The following PHACTR3 variants were observed in gnomAD, a reference collection of about 807,000 sequenced individuals.
The protein encoded by PHACTR3 is protein phosphatase 1, regulatory subunit 123.
A neutral mutation model predicts 66.8 loss-of-function variants in PHACTR3; 16 were observed. The observed-to-expected ratio is 0.24, with a 90% CI of 0.16 to 0.36. The LOEUF (loss-of-function observed/expected upper bound fraction) is 0.36. Ranked by LOEUF, PHACTR3 falls within the 10% of genes least tolerant of loss-of-function variation. PHACTR3 has a pLI of 1.00. For missense variants in PHACTR3, 647 were observed against 719.9 expected (o/e 0.90, Z 1.16); for synonymous variants, 323 against 292.1 (o/e 1.11, Z -1.08).
chr20:59,607,184 C>T (rs1031643606), intron 1 of PHACTR3, among the ~76,000 whole-genome samples: 24 of 152,256 alleles, frequency 1.6e-4, no homozygotes, highest in African/African-American at 5.5e-4. Flanking sequence ...TTGGGCAGAT[C>T]TGTTTAAGAA....
intron 1 of PHACTR3, among the ~76,000 whole-genome samples, chr20:59,683,266 G>A (rs534990794): frequency 6.6e-6 from 1 of 152,320 alleles, no homozygotes; most frequent in East Asian, 1.9e-4. Flanking sequence ...TTTGGCTACA[G>A]TGAATTTGGA....
chr20:59,837,937 T>C (rs1042392947), intron 9 of PHACTR3, among the ~76,000 whole-genome samples: 2 of 152,230 alleles, frequency 1.3e-5, no homozygotes, highest in Admixed American at 6.5e-5. Context: ...CATCAGCAAG[T>C]ACTTCTAATT....
intron 1 of PHACTR3, among the ~76,000 whole-genome samples, chr20:59,624,616 C>T (rs546167308): frequency 6.6e-6 from 1 of 152,198 alleles, no homozygotes; most frequent in Admixed American, 6.5e-5. Context: ...GCTGGTCCAG[C>T]GCAGCCACCT....
chr20:59,718,776 T>C (rs1329336026), intron 1 of PHACTR3, among the ~76,000 whole-genome samples: 2 of 152,054 alleles, frequency 1.3e-5, no homozygotes, highest in African/African-American at 2.4e-5. Context: ...ACTTTTCACT[T>C]TACACGGCTC....
chr20:59,613,047 C>T (rs573924725), intron 1 of PHACTR3, among the ~76,000 whole-genome samples: 68 of 152,230 alleles, frequency 4.5e-4, no homozygotes, highest in African/African-American at 1.6e-3. Context: ...AGGAATCCGC[C>T]CCCATGATTC....
At chr20:59,740,980 G>A (rs977535625) in intron 1 of PHACTR3, among the ~76,000 whole-genome samples, 14 of 152,252 alleles carry the variant, frequency 9.2e-5, no homozygotes, top group African/African-American at 3.4e-4. Context: ...ATGCGGGAGT[G>A]TGACCCCTTC....
At chr20:59,616,277 T>C (rs2034021492) in intron 1 of PHACTR3, among the ~76,000 whole-genome samples, 1 of 152,122 alleles carries the variant, frequency 6.6e-6, no homozygotes, top group Non-Finnish European at 1.5e-5. Context: ...ATTCGCCTCC[T>C]CCTATCACTG....
In PHACTR3 at chr20:59,808,531, G is replaced by A. The variant is rs1039790509; in HGVS notation, c.1328+2337G>A. 5.9e-5 allele frequency among the ~76,000 whole-genome samples: 9 copies of A among 152,320 alleles called. No individual in the cohort carries two copies. In the South Asian group the frequency reaches 1.0e-3, roughly 18 times the overall value. On this transcript the variant is annotated intron_variant, in intron 8 of 12. Transcript: ENST00000371015. ...CAGTGCCCTGGACAGCCCCTAGTCC[G>A]CTCCTTCCCTCTTTAAACCTCAAAA...
Position 59,829,666 on chromosome 20 carries a change from G to A in PHACTR3, c.1329-6839G>A, listed in dbSNP as rs746381221. Among the ~76,000 whole-genome samples, 12 of 152,344 alleles carry A rather than the reference G, an allele frequency of 7.9e-5. No homozygotes were observed. The highest frequency in any genetic ancestry group is 2.1e-4 in the South Asian group (1 of 4,832). The stretch of plus-strand genomic sequence containing the variant: ...CCAGCTTTTCTCAGTGACTCAAGGC[G>A]GCTGTGGGGCAGGATTGGCATTCCC... On this transcript the variant is annotated intron_variant, in intron 8 of 12. Coordinates refer to ENST00000371015, the MANE Select transcript of PHACTR3 (RefSeq NM_080672.5). The surrounding 1 kb of genome is among the most constrained non-coding windows in gnomAD (Gnocchi z 4.2).
At chr20:59,605,162 G>GGGGGC in intron 1 of PHACTR3, 30 bp downstream of exon 1, 1 of 923,118 alleles carries the variant, frequency 1.1e-6, no homozygotes, top group Non-Finnish European at 1.5e-6. Context: ...CGGCGGGCGG[G>GGGGGC]TCGGGGAGGC....
At chr20:59,643,833 G>A (rs7273927) in intron 1 of PHACTR3, among the ~76,000 whole-genome samples, 32,398 of 151,998 alleles carry the variant, frequency 0.21, 4,126 homozygotes, top group East Asian at 0.53. Flanking sequence ...GGGGATAGAA[G>A]GCCTTCTGCC....
At chr20:59,792,357 G>A (rs1300452034) in intron 7 of PHACTR3, among the ~76,000 whole-genome samples, 1 of 152,230 alleles carries the variant, frequency 6.6e-6, no homozygotes, top group Non-Finnish European at 1.5e-5. Flanking sequence ...GAGTCATGTG[G>A]TAGGTTTTTA....
At chr20:59,666,473 A>G (rs1034160363) in intron 1 of PHACTR3, among the ~76,000 whole-genome samples, 1 of 152,194 alleles carries the variant, frequency 6.6e-6, no homozygotes, top group Non-Finnish European at 1.5e-5. Context: ...CTGTGGGCAC[A>G]TTGAGCTGTG....
intron 1 of PHACTR3, among the ~76,000 whole-genome samples, chr20:59,616,346 G>A (rs773106789): frequency 3.3e-5 from 5 of 152,172 alleles, no homozygotes; most frequent in Non-Finnish European, 7.3e-5. Context: ...GTTCTGATCT[G>A]GTGCAGTTTT....
chr20:59,806,020 T>G, intron 7 of PHACTR3, 21 bp from the exon 8 acceptor site: 1 of 1,608,856 alleles, frequency 6.2e-7, no homozygotes, highest in Non-Finnish European at 8.5e-7. Context: ...TCTCTCCTCT[T>G]GCCCTGGATG....
intron 1 of PHACTR3, among the ~76,000 whole-genome samples, chr20:59,622,385 A>G (rs2034274168): frequency 6.6e-6 from 1 of 151,464 alleles, no homozygotes; most frequent in Non-Finnish European, 1.5e-5. Context: ...GCTAGTTCCT[A>G]CTCCTGGGGT....
chr20:59,747,829 G>A lies in PHACTR3; in HGVS notation c.352G>A (p.Glu118Lys). The part of the protein sequence containing the change: ...LIKKGLLEMM[E>K]QDAESKTCNP... The stretch of plus-strand genomic sequence containing the variant: ...CAAGAAGGGGCTGCTGGAGATGATG[G>A]AGCAGGGTAAGTGGGACCCGTCCCT... Residue 118 changes from glutamate to lysine, a missense_variant, in exon 3 of 13, where the codon GAG becomes AAG. Glu to Lys is a moderately conservative substitution (Grantham distance 56). Transcript: ENST00000371015. 1.2e-6 allele frequency: 2 copies of A among 1,614,062 alleles called. No individual in the cohort carries two copies. The highest frequency in any genetic ancestry group is 1.7e-6 in the Non-Finnish European group (2 of 1,180,008).
chr20:59,737,918 C>T (rs577056690), intron 1 of PHACTR3, among the ~76,000 whole-genome samples: 2 of 152,284 alleles, frequency 1.3e-5, no homozygotes, highest in Non-Finnish European at 2.9e-5. Flanking sequence ...CCTCGCCAGC[C>T]CTCAGCTCTG....
intron 1 of PHACTR3, among the ~76,000 whole-genome samples, chr20:59,584,510 CATGCATGAGTGT>C (rs1442117336): frequency 6.6e-6 from 1 of 151,954 alleles, no homozygotes; most frequent in Non-Finnish European, 1.5e-5. Context: ...ATGAATATTA[CATGCATGAGTGT>C]GTGCATGCAC....
Sources: gnomAD v4.1 joint callset for allele counts (sites outside exome capture counted in the v4.1 genomes callset) on GRCh38, gnomAD v4.1.1 for gene constraint, Gnocchi (gnomAD v3.1) non-coding constraint, MANE v1.5 for transcripts, NCBI Gene and HGNC (gene_info 2026-07-23, HGNC 2026-07-21) for gene names.